The following ZBTB20 variants were observed in gnomAD, a reference collection of about 807,000 sequenced individuals.
ZBTB20 encodes the protein zinc finger and BTB domain-containing protein 20.
In ZBTB20, 9 loss-of-function variants were observed where a neutral mutation model predicts 56.9. That is an observed-to-expected ratio of 0.16 (90% CI 0.10 to 0.28). The LOEUF (loss-of-function observed/expected upper bound fraction) is 0.28, where lower values mean the gene tolerates loss of function less well. ZBTB20 is among the 10% of genes least tolerant of loss of function. ZBTB20 has a pLI of 1.00. For synonymous variants in ZBTB20, 417 were observed against 420.7 expected, an observed-to-expected ratio of 0.99 and a Z score of 0.11; for missense variants, 655 against 1,003.0, an observed-to-expected ratio of 0.65 and a Z score of 4.69.
At chr3:115,097,973 A>G (rs899740835) in intron 1 of ZBTB20, among the ~76,000 whole-genome samples, 1 of 152,264 alleles carries the variant, frequency 6.6e-6, no homozygotes, top group African/African-American at 2.4e-5. Context: ...TGCAAAAGAA[A>G]ACATATACAC....
At chr3:114,458,581 T>C (rs572868485) in intron 7 of ZBTB20, among the ~76,000 whole-genome samples, 1 of 152,316 alleles carries the variant, frequency 6.6e-6, no homozygotes, top group African/African-American at 2.4e-5. Context: ...TCTTACACTA[T>C]GTAGTTTCCA....
chr3:115,103,663 T>C (rs2083644047), intron 1 of ZBTB20, among the ~76,000 whole-genome samples: 2 of 152,210 alleles, frequency 1.3e-5, no homozygotes, highest in African/African-American at 4.8e-5. Context: ...AAAAAATAAA[T>C]CCAGACGCAG....
At chr3:114,637,487 T>A (rs901886920) in intron 6 of ZBTB20, among the ~76,000 whole-genome samples, 5 of 152,148 alleles carry the variant, frequency 3.3e-5, no homozygotes, top group African/African-American at 9.6e-5. Context: ...TTAGGCATCC[T>A]AGGTTCCAGT....
chr3:114,792,751 G>A (rs1005859705), intron 5 of ZBTB20, among the ~76,000 whole-genome samples: 8 of 152,042 alleles, frequency 5.3e-5, no homozygotes, highest in African/African-American at 9.7e-5. Flanking sequence ...TTCAACCCCC[G>A]TCCATCTCTC....
chr3:114,529,307 GC>G (rs2047574233), intron 6 of ZBTB20: 1 of 152,286 alleles, frequency 6.6e-6, no homozygotes, highest in African/African-American at 2.4e-5. Flanking sequence ...AATCTTGGAA[GC>G]TATGTACTGA....
intron 1 of ZBTB20, among the ~76,000 whole-genome samples, chr3:115,085,393 A>C (rs776539670): frequency 1.8e-4 from 28 of 151,962 alleles, no homozygotes; most frequent in Non-Finnish European, 3.7e-4. Flanking sequence ...CCCTGGAAGT[A>C]AGTTGGACAC....
intron 5 of ZBTB20, among the ~76,000 whole-genome samples, chr3:114,704,061 C>T (rs1013466069): frequency 6.6e-6 from 1 of 152,150 alleles, no homozygotes; most frequent in Non-Finnish European, 1.5e-5. Flanking sequence ...TAAAAACTTT[C>T]CTAAATCAAA....
chr3:115,032,318 A>G (rs1157551859), intron 2 of ZBTB20, among the ~76,000 whole-genome samples: 1 of 151,440 alleles, frequency 6.6e-6, no homozygotes, highest in East Asian at 1.9e-4. Context: ...CTTTTAAGAA[A>G]CCTATGTTTT....
intron 6 of ZBTB20, among the ~76,000 whole-genome samples, chr3:114,561,411 A>G (rs1443767845): frequency 6.6e-6 from 1 of 152,096 alleles, no homozygotes; most frequent in Non-Finnish European, 1.5e-5. Context: ...AGCCTTATGA[A>G]ATTTATTTTT....
At chr3:115,020,409 T>A (rs1236365907) in intron 2 of ZBTB20, among the ~76,000 whole-genome samples, 1 of 151,088 alleles carries the variant, frequency 6.6e-6, no homozygotes, top group East Asian at 1.9e-4. Flanking sequence ...AGGTTTCAGA[T>A]CTTTGCAAAT....
At chr3:114,653,627 T>C (rs1302028864) in intron 6 of ZBTB20, among the ~76,000 whole-genome samples, 1 of 151,962 alleles carries the variant, frequency 6.6e-6, no homozygotes, top group Admixed American at 6.6e-5. Context: ...GGATTATGCC[T>C]GTCTCATAAA....
Position 114,330,964 on chromosome 3 carries a change from T to C in ZBTB20, c.*8041A>G, listed in dbSNP as rs1560074144. The C allele has an allele frequency of 6.6e-6, 1 of 152,242 alleles. No individual in the cohort carries two copies. Among genetic ancestry groups the C allele is most frequent in the African/African-American group, 2.4e-5 (1 of 41,464 alleles). 9.4% of individuals were successfully genotyped at this position (152,242 alleles called of 1,614,324 possible). On this transcript the variant is annotated 3_prime_UTR_variant, in exon 12 of 12. Coordinates refer to ENST00000675478, the MANE Select transcript of ZBTB20 (RefSeq NM_001348800.3). ...ACATTCCCCCCAACAGTCTATTGGT[T>C]TGCTAGACATGGTAAACAACCCACT...
chr3:114,904,465 A>C (rs549021270), intron 3 of ZBTB20: 7 of 152,150 alleles, frequency 4.6e-5, no homozygotes, highest in Admixed American at 4.6e-4. Context: ...TTGAGAGAAG[A>C]CTATGTAATT....
intron 6 of ZBTB20, among the ~76,000 whole-genome samples, chr3:114,536,628 GA>G (rs1459481909): frequency 6.6e-6 from 1 of 151,934 alleles, no homozygotes; most frequent in Non-Finnish European, 1.5e-5. Flanking sequence ...CACAGAATTA[GA>G]AAAAAACAAT....
At chr3:114,352,405 A>G (rs546328179) in intron 10 of ZBTB20, among the ~76,000 whole-genome samples, 1 of 151,718 alleles carries the variant, frequency 6.6e-6, no homozygotes, top group South Asian at 2.1e-4. Flanking sequence ...TAACAAATAA[A>G]CCCCCTTCCT....
intron 1 of ZBTB20, among the ~76,000 whole-genome samples, chr3:115,091,779 C>T (rs2083203745): frequency 6.6e-6 from 1 of 151,248 alleles, no homozygotes; most frequent in South Asian, 2.1e-4. Flanking sequence ...TTTGTTTAGA[C>T]CTCAAATATT....
At chr3:114,615,455 A>C (rs189549522) in intron 6 of ZBTB20, among the ~76,000 whole-genome samples, 3 of 152,288 alleles carry the variant, frequency 2.0e-5, no homozygotes, top group South Asian at 2.1e-4. Context: ...TGGGGTAAGG[A>C]TGTATAGGCT....
At chr3:115,009,665 A>G (rs1476088022) in intron 2 of ZBTB20, among the ~76,000 whole-genome samples, 1 of 151,872 alleles carries the variant, frequency 6.6e-6, no homozygotes. Context: ...CTTTTGAGAG[A>G]TGATTAGGTC....
At chr3:114,369,037 CAG>C (rs1412396224) in intron 10 of ZBTB20, among the ~76,000 whole-genome samples, 1 of 152,080 alleles carries the variant, frequency 6.6e-6, no homozygotes, top group African/African-American at 2.4e-5. Flanking sequence ...CCATTAGACA[CAG>C]AGTTATCTTT....
Sources: gnomAD v4.1 joint callset for allele counts (sites outside exome capture counted in the v4.1 genomes callset) on GRCh38, gnomAD v4.1.1 for gene constraint, MANE v1.5 for transcripts, NCBI Gene and HGNC (gene_info 2026-07-23, HGNC 2026-07-21) for gene names.